Variants in RAB22A observed in about 807,000 individuals in gnomAD.
The protein encoded by RAB22A is ras-related protein Rab-22A.
In RAB22A, 13 loss-of-function variants were observed where a neutral mutation model predicts 30.2. The ratio of observed to expected loss-of-function variants is 0.43; its 90% CI spans 0.28 to 0.68. The LOEUF (loss-of-function observed/expected upper bound fraction) is 0.68, where lower values mean the gene tolerates loss of function less well. Ranked by LOEUF, RAB22A falls within the 30% of genes least tolerant of loss-of-function variation. The pLI is 0.18. For missense variants in RAB22A, 177 were observed against 246.8 expected, an observed-to-expected ratio of 0.72 and a Z score of 1.89; for synonymous variants, 89 against 87.2, an observed-to-expected ratio of 1.02 and a Z score of -0.11.
intron 6 of RAB22A, among the ~76,000 whole-genome samples, chr20:58,358,773 T>C (rs1021421542): frequency 6.6e-6 from 1 of 151,886 alleles, no homozygotes; most frequent in Non-Finnish European, 1.5e-5. Flanking sequence ...TACACGCCTC[T>C]AATCCCAGCT....
chr20:58,359,381 C>T (rs2122974323), intron 6 of RAB22A, among the ~76,000 whole-genome samples: 1 of 152,050 alleles, frequency 6.6e-6, no homozygotes, highest in African/African-American at 2.4e-5. Flanking sequence ...GACAAATGTC[C>T]CATGGTAATA....
At chr20:58,354,315 C>T in intron 6 of RAB22A, 50 bp downstream of exon 6, 1 of 1,251,454 alleles carries the variant, frequency 8.0e-7, no homozygotes, top group African/African-American at 1.5e-5. Flanking sequence ...CCGCTTAACA[C>T]AGAATGATCT....
chr20:58,346,163 G>A, intron 3 of RAB22A: 1 of 152,838 alleles, frequency 6.5e-6, no homozygotes, highest in Non-Finnish European at 1.5e-5. Context: ...CCTGCTCTCA[G>A]CCACCTTTGG....
rs149697385 is a variant in RAB22A at position 58,317,162 on chromosome 20, T to C, written c.116+6040T>C. Reference sequence around the variant, plus strand: ...CCCAGGCTGGAGTGCAGTGGCGCAATCTCGGCTCACTGCAACCTCCGCCTC... The same window carrying C: ...CCCAGGCTGGAGTGCAGTGGCGCAACCTCGGCTCACTGCAACCTCCGCCTC... On this transcript the variant is annotated intron_variant, in intron 2 of 6. Coordinates refer to ENST00000244040, the MANE Select transcript of RAB22A (RefSeq NM_020673.3). Among the ~76,000 whole-genome samples, 316 of 151,966 alleles carry C rather than the reference T, an allele frequency of 2.1e-3. 2 individuals carry two copies. The highest frequency in any genetic ancestry group is 0.014 in the Middle Eastern group (4 of 294).
chr20:58,343,077 G>C (rs2122958917), intron 2 of RAB22A, among the ~76,000 whole-genome samples: 1 of 152,254 alleles, frequency 6.6e-6, no homozygotes, highest in African/African-American at 2.4e-5. Flanking sequence ...CTCCCATCCG[G>C]GGCTCGATGA....
chr20:58,309,755 C>A lies in RAB22A; in HGVS notation c.-222C>A, dbSNP rs1465673616. 3 of 285,922 alleles carry A rather than the reference C, an allele frequency of 1.0e-5. No individual in the cohort carries two copies. The highest frequency in any genetic ancestry group is 1.9e-5 in the Non-Finnish European group (3 of 158,680). 17.7% of individuals were successfully genotyped at this position (285,922 alleles called of 1,614,324 possible). On this transcript the variant is annotated 5_prime_UTR_variant, in exon 1 of 7. Transcript: ENST00000244040. ...CGTCCCAAGATGGCGGCGGCGGCGGCTCCCGGAAGGCCGCGGCGGCGTCCC... is the reference window on the plus strand; with the variant it reads ...CGTCCCAAGATGGCGGCGGCGGCGGATCCCGGAAGGCCGCGGCGGCGTCCC...
intron 3 of RAB22A, among the ~76,000 whole-genome samples, chr20:58,348,601 T>C (rs1986990305): frequency 6.6e-6 from 1 of 152,196 alleles, no homozygotes; most frequent in South Asian, 2.1e-4. Context: ...AGACAGAATT[T>C]ACACATATAT....
intron 2 of RAB22A, among the ~76,000 whole-genome samples, chr20:58,314,763 C>T (rs1986301769): frequency 6.6e-6 from 1 of 152,000 alleles, no homozygotes; most frequent in Non-Finnish European, 1.5e-5. Context: ...ATTGCTTAAA[C>T]GCGGGAGGCG....
Position 58,315,785 on chromosome 20 carries a change from A to G in RAB22A, c.116+4663A>G, listed in dbSNP as rs562255846. Among the ~76,000 whole-genome samples the G allele has an allele frequency of 5.9e-5, 9 of 151,950 alleles. 2 individuals are homozygous for G. The East Asian group carries it at 1.7e-3, about 29-fold the overall frequency. On this transcript the variant is annotated intron_variant, in intron 2 of 6. Transcript: ENST00000244040. ...TTCCCATCCTCACATCTGAGCCCTC[A>G]TCCTATCTTGCCGGGGCTATTGAGC... is the stretch of plus-strand genomic sequence containing the variant.
intron 6 of RAB22A, among the ~76,000 whole-genome samples, chr20:58,355,027 A>G (rs1302245734): frequency 6.6e-6 from 1 of 152,252 alleles, no homozygotes; most frequent in Non-Finnish European, 1.5e-5. Flanking sequence ...AGGAGGTGCT[A>G]TCAGAGCTGA....
chr20:58,367,494 T>C lies in RAB22A; in HGVS notation c.*7791T>C, dbSNP rs1987339907. On this transcript the variant is annotated 3_prime_UTR_variant, in exon 7 of 7. Coordinates refer to ENST00000244040, the MANE Select transcript of RAB22A (RefSeq NM_020673.3). ...TAAACATTTTGTTAATAAAATGCTA[T>C]GTTTACAAATATATATTTGCCTCCC... 1 of 152,660 alleles carries C rather than the reference T, an allele frequency of 6.6e-6. No individual in the cohort carries two copies. Among genetic ancestry groups the C allele is most frequent in the Admixed American group, 6.5e-5 (1 of 15,278 alleles). The allele number at this position is 152,660 out of a possible 1,614,324, so 9.5% of individuals were successfully genotyped here. A position where few individuals can be genotyped will look rare whatever the true frequency, so the allele number is the denominator to read the frequency against.
chr20:58,335,821 A>G (rs1986740432), intron 2 of RAB22A, among the ~76,000 whole-genome samples: 1 of 152,240 alleles, frequency 6.6e-6, no homozygotes, highest in Non-Finnish European at 1.5e-5. Context: ...GGCTGAACTG[A>G]CAGAAGCCTG....
In RAB22A at chr20:58,317,556, C is replaced by CTT. The variant is rs35819954; in HGVS notation, c.116+6453_116+6454dup. ...AACTCAATAAATGGTAGTTATTATTCTTTTTTTTTTTTTTTTTTTTGAGAC... is the reference window on the plus strand; with the variant it reads ...AACTCAATAAATGGTAGTTATTATTCTTTTTTTTTTTTTTTTTTTTTTGAGAC... On this transcript the variant is annotated intron_variant, in intron 2 of 6. Coordinates refer to ENST00000244040, the MANE Select transcript of RAB22A (RefSeq NM_020673.3). Among the ~76,000 whole-genome samples the CTT allele has an allele frequency of 1.0e-3, 127 of 124,914 alleles. 1 individual carries two copies. Among genetic ancestry groups the CTT allele is most frequent in the African/African-American group, 2.9e-3 (98 of 33,532 alleles). The allele number at this position is 124,914 out of a possible 152,430, so 81.9% of individuals were successfully genotyped here.
rs1376358762 is a variant in RAB22A at position 58,309,832 on chromosome 20, G to A, written c.-145G>A. Reference sequence around the variant, plus strand: ...TGGCAGCGGACAGGCCGGACCTACGGCCGGAGGACGGGCGGCAGCCGCCTC... The same window carrying A: ...TGGCAGCGGACAGGCCGGACCTACGACCGGAGGACGGGCGGCAGCCGCCTC... On this transcript the variant is annotated 5_prime_UTR_variant, in exon 1 of 7. Transcript: ENST00000244040. 3.2e-5 allele frequency: 24 copies of A among 745,570 alleles called. No homozygotes were observed. The highest frequency in any genetic ancestry group is 4.4e-4 in the Middle Eastern group (1 of 2,260). 46.2% of individuals were successfully genotyped at this position (745,570 alleles called of 1,614,324 possible). A position where few individuals can be genotyped will look rare whatever the true frequency, so the allele number is the denominator to read the frequency against.
At position 58,365,476 on chromosome 20, in the gene RAB22A, C is replaced by T. The variant is rs543021785; in HGVS notation, c.*5773C>T. 10 of 152,294 alleles carry T rather than the reference C, an allele frequency of 6.6e-5. No homozygotes were observed. The highest frequency in any genetic ancestry group is 2.4e-4 in the African/African-American group (10 of 41,556). 9.4% of individuals were successfully genotyped at this position (152,294 alleles called of 1,614,324 possible). A position where few individuals can be genotyped will look rare whatever the true frequency, so the allele number is the denominator to read the frequency against. Reference sequence around the variant, plus strand: ...TATACTTGAATAATCAGTTTTACTCCTGAAAAATTTTGAAGCCAGCACTGA... The same window carrying T: ...TATACTTGAATAATCAGTTTTACTCTTGAAAAATTTTGAAGCCAGCACTGA... On this transcript the variant is annotated 3_prime_UTR_variant, in exon 7 of 7. Transcript: ENST00000244040.
intron 2 of RAB22A, among the ~76,000 whole-genome samples, chr20:58,313,183 C>T (rs995019050): frequency 6.6e-6 from 1 of 152,170 alleles, no homozygotes; most frequent in African/African-American, 2.4e-5. Flanking sequence ...TCCACTGTTC[C>T]CTTTTTGCCA....
intron 3 of RAB22A, among the ~76,000 whole-genome samples, chr20:58,350,195 G>A (rs1987022898): frequency 6.6e-6 from 1 of 152,130 alleles, no homozygotes; most frequent in Non-Finnish European, 1.5e-5. Flanking sequence ...TGCTAAAACT[G>A]AAAGCTGCAA....
chr20:58,362,376 A>G lies in RAB22A; in HGVS notation c.*2673A>G, dbSNP rs1987241167. On this transcript the variant is annotated 3_prime_UTR_variant, in exon 7 of 7. Transcript: ENST00000244040. ...ATACACATTTCATATTTTCTTTATA[A>G]TAATTTCTTATGGAGAAGAGGCTAT... 6.6e-6 allele frequency: 1 copy of G among 152,208 alleles called. No homozygotes were observed. The highest frequency in any genetic ancestry group is 2.4e-5 in the African/African-American group (1 of 41,470). The allele number at this position is 152,208 out of a possible 1,614,324, so 9.4% of individuals were successfully genotyped here. A position where few individuals can be genotyped will look rare whatever the true frequency, so the allele number is the denominator to read the frequency against.
At chr20:58,332,834 G>A (rs1420066268) in intron 2 of RAB22A, among the ~76,000 whole-genome samples, 1 of 151,968 alleles carries the variant, frequency 6.6e-6, no homozygotes, top group Non-Finnish European at 1.5e-5. Context: ...CTGATAACCG[G>A]AAATAAAGAG....
Sources: gnomAD v4.1 joint callset for allele counts (sites outside exome capture counted in the v4.1 genomes callset) on GRCh38, gnomAD v4.1.1 for gene constraint, MANE v1.5 for transcripts, NCBI Gene and HGNC (gene_info 2026-07-23, HGNC 2026-07-21) for gene names.